GLB1L2: variants seen among roughly 807,000 people sequenced by gnomAD.
GLB1L2 encodes galactosidase beta 1 like 2.
Under a neutral mutation model 84.1 loss-of-function variants are expected in GLB1L2, and 68 were observed. That is an observed-to-expected ratio of 0.81 (90% CI 0.67 to 0.99). The LOEUF is 0.99. Ranked by LOEUF, GLB1L2 falls within the 50% of genes least tolerant of loss-of-function variation. The pLI, the probability that GLB1L2 is intolerant of heterozygous loss-of-function variation, is 0.00. For synonymous variants in GLB1L2, 290 were observed against 318.0 expected (o/e 0.91, Z 0.94); for missense variants, 762 against 805.6 (o/e 0.95, Z 0.66).
rs889012812 is a variant in GLB1L2, at chr11:134,338,048, T to C, written c.87-4706T>C. 6.6e-6 allele frequency among the ~76,000 whole-genome samples: 1 copy of C among 152,214 alleles called. No individual in the cohort carries two copies. The highest frequency in any genetic ancestry group is 2.1e-4 in the South Asian group (1 of 4,832). ...GCAGTTCCTGACTCAGATACCAGCT[T>C]GCGTATGCTGGTGGCCAGCCTCGGA... is the stretch of plus-strand genomic sequence containing the variant. On this transcript the variant is annotated intron_variant, in intron 1 of 18. Coordinates refer to ENST00000535456, the MANE Select transcript of GLB1L2 (RefSeq NM_001370461.1). The surrounding 1 kb of genome is among the most constrained non-coding windows in gnomAD (Gnocchi z 6.2).
At chr11:134,353,461 G>A (rs79273268) in intron 5 of GLB1L2, among the ~76,000 whole-genome samples, 5,596 of 152,150 alleles carry the variant, frequency 0.037, 137 homozygotes, top group Middle Eastern at 0.058. Context: ...TTACTATATG[G>A]TTTATCCTGG....
At chr11:134,367,933 C>G in intron 9 of GLB1L2, among the ~76,000 whole-genome samples, 1 of 152,232 alleles carries the variant, frequency 6.6e-6, no homozygotes, top group East Asian at 1.9e-4. Flanking sequence ...GTGAGCATCC[C>G]GGAGCCTGCG....
chr11:134,347,584 T>G, intron 5 of GLB1L2, 151 bp downstream of exon 5: 1 of 630,218 alleles, frequency 1.6e-6, no homozygotes, highest in Non-Finnish European at 2.9e-6. Context: ...CTGAGGGGCT[T>G]GCAAGAGTTG....
At chr11:134,360,468 G>C (rs894127423) in intron 7 of GLB1L2, 1 of 152,372 alleles carries the variant, frequency 6.6e-6, no homozygotes, top group African/African-American at 2.4e-5. Flanking sequence ...TCCAAGGCCT[G>C]CTCCGGGCTC....
At chr11:134,357,259 G>A (rs117354532) in intron 6 of GLB1L2, among the ~76,000 whole-genome samples, 8 of 152,318 alleles carry the variant, frequency 5.3e-5, no homozygotes, top group South Asian at 2.1e-4. Context: ...AGCATTTTCC[G>A]TCTGGAAATT....
Position 134,364,631 on chromosome 11 carries a change from G to C in GLB1L2, c.804+233G>C. The C allele has an allele frequency of 1.4e-5, 7 of 518,032 alleles. No individual in the cohort carries two copies. In the South Asian group the frequency reaches 1.9e-4, roughly 14 times the overall value. The allele number at this position is 518,032 out of a possible 1,614,324, so 32.1% of individuals were successfully genotyped here. ...GGACATCACCCACTGCCCTGAGAGA[G>C]GGGCCCTTTTGGTGCACTCCTAGAG... is the stretch of plus-strand genomic sequence containing the variant. On this transcript the variant is annotated intron_variant, in intron 8 of 18. Transcript: ENST00000535456.
chr11:134,371,571 C>A (rs1943952702), intron 14 of GLB1L2, 79 bp downstream of exon 14: 1 of 1,057,142 alleles, frequency 9.5e-7, no homozygotes, highest in Non-Finnish European at 1.5e-6. Flanking sequence ...TGAGGAAAAC[C>A]TGGGAGACCC....
chr11:134,362,433 T>G (rs1015650846), intron 7 of GLB1L2, among the ~76,000 whole-genome samples: 1 of 152,142 alleles, frequency 6.6e-6, no homozygotes, highest in African/African-American at 2.4e-5. Flanking sequence ...ACCCAGCAGC[T>G]TAGGAAAGAG....
chr11:134,335,153 C>T (rs1296526989), intron 1 of GLB1L2, among the ~76,000 whole-genome samples: 1 of 152,038 alleles, frequency 6.6e-6, no homozygotes, highest in Admixed American at 6.5e-5. Context: ...CCAAATTCTT[C>T]CTATAGAAAG....
chr11:134,352,805 G>A (rs1943651611), intron 5 of GLB1L2, among the ~76,000 whole-genome samples: 1 of 151,872 alleles, frequency 6.6e-6, no homozygotes, highest in Non-Finnish European at 1.5e-5. Flanking sequence ...CCGTGACCAC[G>A]CCCGGCTGAT....
At chr11:134,345,377 G>C (rs1458067330) in intron 4 of GLB1L2, among the ~76,000 whole-genome samples, 1 of 152,252 alleles carries the variant, frequency 6.6e-6, no homozygotes, top group Non-Finnish European at 1.5e-5. Context: ...TGGCCCTCCT[G>C]GCATCTCATG....
At position 134,373,735 on chromosome 11, in the gene GLB1L2, C is replaced by T; in HGVS notation, c.1522C>T (p.Leu508Phe). 1 of 1,611,606 alleles carries T rather than the reference C, an allele frequency of 6.2e-7. No homozygotes were observed. Among genetic ancestry groups the T allele is most frequent in the Non-Finnish European group, 8.5e-7 (1 of 1,177,992 alleles). ...DDQRKGLIGN[L>F]YLNDSPLKNF... Reference sequence around the variant, plus strand: ...CCCTCCCACAGGCTTAATTGGAAATCTCTATCTGAATGATTCACCCCTGAA... The same window carrying T: ...CCCTCCCACAGGCTTAATTGGAAATTTCTATCTGAATGATTCACCCCTGAA... The change falls in exon 16 of 19, where the codon CTC (leucine) becomes TTC (phenylalanine). Residue 508 changes from leucine to phenylalanine, a missense_variant. This residue lies in a region of GLB1L2 where 603 missense variants were observed against 611.7 expected (regional missense o/e 0.99). Transcript: ENST00000535456.
At chr11:134,374,497 A>G in intron 17 of GLB1L2, 105 bp from the exon 18 acceptor site, 1 of 891,854 alleles carries the variant, frequency 1.1e-6, no homozygotes. Flanking sequence ...GTCCAGACAC[A>G]GCTCGCTTTG....
intron 5 of GLB1L2, 155 bp from the exon 6 acceptor site, chr11:134,356,146 C>T (rs1003314751): frequency 1.4e-6 from 1 of 739,590 alleles, no homozygotes; most frequent in African/African-American, 1.7e-5. Flanking sequence ...AGAACAAGGG[C>T]CTAGTGCTTC....
Position 134,370,439 on chromosome 11 carries a change from C to CG in GLB1L2, c.1215+45dup. On this transcript the variant is annotated intron_variant, in intron 12 of 18. Transcript: ENST00000535456. This position sits in a 1 kb window ranked among gnomAD's most constrained non-coding sequence, Gnocchi z 4.7. ...CAGTCATCGGGAGGTGAGTGAGTGC[C>CG]GGGGGCAGTCGTTGGCAGGGAGGTG... 6.7e-7 allele frequency: 1 copy of CG among 1,501,370 alleles called. No individual in the cohort carries two copies. The highest frequency in any genetic ancestry group is 1.1e-5 in the South Asian group (1 of 88,020). The allele number at this position is 1,501,370 out of a possible 1,614,324, so 93.0% of individuals were successfully genotyped here.
Position 134,370,886 on chromosome 11 carries a change from G to A in GLB1L2, c.1216-122G>A. The A allele has an allele frequency of 1.8e-6, 2 of 1,108,288 alleles. No individual in the cohort carries two copies. The highest frequency in any genetic ancestry group is 2.9e-5 in the South Asian group (2 of 68,594). 68.7% of individuals were successfully genotyped at this position (1,108,288 alleles called of 1,614,324 possible). On this transcript the variant is annotated intron_variant, in intron 12 of 18. Coordinates refer to ENST00000535456, the MANE Select transcript of GLB1L2 (RefSeq NM_001370461.1). This position sits in a 1 kb window ranked among gnomAD's most constrained non-coding sequence, Gnocchi z 4.7. Reference sequence around the variant, plus strand: ...AGTTGTATGTTTAGTGCAATGAGAAGTCAAAGTAGAAAACACCCACCAAAC... The same window carrying A: ...AGTTGTATGTTTAGTGCAATGAGAAATCAAAGTAGAAAACACCCACCAAAC...
rs747391107 is a variant in GLB1L2 at position 134,374,747 on chromosome 11, C to A, written c.1824+29C>A. 2.4e-5 allele frequency: 37 copies of A among 1,551,158 alleles called. No individual in the cohort carries two copies. The South Asian group carries it at 3.6e-4, about 15-fold the overall frequency. On this transcript the variant is annotated intron_variant, in intron 18 of 18. Coordinates refer to ENST00000535456, the MANE Select transcript of GLB1L2 (RefSeq NM_001370461.1). Reference sequence around the variant, plus strand: ...GGAGCTTCCAGCCCCTTCCTGTTCCCCATGACGCCCTGCCCACCTGCCGTC... The same window carrying A: ...GGAGCTTCCAGCCCCTTCCTGTTCCACATGACGCCCTGCCCACCTGCCGTC...
chr11:134,332,115 G>A lies in GLB1L2; in HGVS notation c.54G>A (p.Leu18=). The change falls in exon 1 of 19, where the codon CTG becomes CTA. Residue 18 remains leucine (L), a synonymous_variant. Transcript: ENST00000535456. ...RRPARTLGLL[L]LVVLGFLVLR... ...CGGCCCGCACGCTGGGACTCCTGCT[G>A]CTGGTCGTCTTGGGCTTCCTGGTGC... 6.3e-7 allele frequency: 1 copy of A among 1,589,646 alleles called. No homozygotes were observed. The highest frequency in any genetic ancestry group is 2.3e-5 in the East Asian group (1 of 43,014).
chr11:134,345,224 G>A (rs2136267153), intron 4 of GLB1L2, 95 bp downstream of exon 4: 4 of 1,308,114 alleles, frequency 3.1e-6, no homozygotes, highest in Non-Finnish European at 4.1e-6. Context: ...ATTCTGTACT[G>A]AATTGTGTTC....
Sources: gnomAD v4.1 joint callset for allele counts (sites outside exome capture counted in the v4.1 genomes callset) on GRCh38, gnomAD v4.1.1 for gene constraint, gnomAD v4.1.1 regional missense constraint, Gnocchi (gnomAD v3.1) non-coding constraint, MANE v1.5 for transcripts, NCBI Gene and HGNC (gene_info 2026-07-23, HGNC 2026-07-21) for gene names.